KMT2A: variants seen among roughly 807,000 people sequenced by gnomAD.
KMT2A encodes histone-lysine N-methyltransferase 2A.
A neutral mutation model predicts 345.3 loss-of-function variants in KMT2A; 16 were observed. The ratio of observed to expected loss-of-function variants is 0.05; its 90% CI spans 0.03 to 0.07. The LOEUF (loss-of-function observed/expected upper bound fraction) is 0.07, where lower values mean the gene tolerates loss of function less well. KMT2A is among the 10% of genes least tolerant of loss of function. The pLI is 1.00. For synonymous variants in KMT2A, 1,599 were observed against 1,778.6 expected (o/e 0.90, Z 2.54); for missense variants, 3,272 against 4,841.6 (o/e 0.68, Z 9.62).
At chr11:118,456,596 C>G (rs1555030953) in intron 1 of KMT2A, among the ~76,000 whole-genome samples, 1 of 152,102 alleles carries the variant, frequency 6.6e-6, no homozygotes, top group African/African-American at 2.4e-5. Flanking sequence ...CCTTGGCCTC[C>G]CAAAGTGCTA....
rs1951048614 is a variant in KMT2A at position 118,524,900 on chromosome 11, C to A, written c.*2728C>A. On this transcript the variant is annotated 3_prime_UTR_variant, in exon 36 of 36. Transcript: ENST00000534358. ...TCCTCACTCTCTACCAACCCTAAAC[C>A]CTGAGGACAGGGGAGGAACCCACAG... The A allele has an allele frequency of 5.1e-6, 1 of 195,248 alleles. No individual in the cohort carries two copies. The allele number at this position is 195,248 out of a possible 1,614,324, so 12.1% of individuals were successfully genotyped here.
intron 8 of KMT2A, among the ~76,000 whole-genome samples, chr11:118,483,492 C>T (rs1006508728): frequency 1.3e-5 from 2 of 152,132 alleles, no homozygotes; most frequent in Non-Finnish European, 2.9e-5. Context: ...GAGATCGCGC[C>T]ACTGCACTCC....
Position 118,523,584 on chromosome 11 carries a change from A to G in KMT2A, c.*1412A>G. On this transcript the variant is annotated 3_prime_UTR_variant, in exon 36 of 36. Coordinates refer to ENST00000534358, the MANE Select transcript of KMT2A (RefSeq NM_001197104.2). ...TTTTATAAATGTAAATATATTTTGT[A>G]TATTTTTCTATGAGAAGCACTTCAT... 4.4e-6 allele frequency: 1 copy of G among 227,060 alleles called. No individual in the cohort carries two copies. Among genetic ancestry groups the G allele is most frequent in the East Asian group, 6.4e-5 (1 of 15,654 alleles). The allele number at this position is 227,060 out of a possible 1,614,324, so 14.1% of individuals were successfully genotyped here.
chr11:118,456,008 A>G (rs1168952934), intron 1 of KMT2A, among the ~76,000 whole-genome samples: 4 of 151,656 alleles, frequency 2.6e-5, no homozygotes, highest in Non-Finnish European at 5.9e-5. Flanking sequence ...TTTTTAATAC[A>G]TTTTTAATTT....
At chr11:118,475,261 GTT>G (rs1277408951) in intron 3 of KMT2A, among the ~76,000 whole-genome samples, 13 of 147,898 alleles carry the variant, frequency 8.8e-5, no homozygotes, top group Non-Finnish European at 4.5e-5. Flanking sequence ...CAGCATTTTT[GTT>G]TTTTTTTTAT....
At chr11:118,486,652 C>G (rs186196683) in intron 10 of KMT2A, among the ~76,000 whole-genome samples, 9 of 151,848 alleles carry the variant, frequency 5.9e-5, no homozygotes, top group Admixed American at 5.3e-4. Context: ...GCAGGAGGAC[C>G]GCTTGAGCTC....
rs73555280 is a variant in KMT2A, at chr11:118,493,632, T to C, written c.5178+402T>C. Among the ~76,000 whole-genome samples the C allele has an allele frequency of 2.0e-4, 30 of 152,320 alleles. No individual in the cohort carries two copies. The highest frequency in any genetic ancestry group is 6.7e-4 in the African/African-American group (28 of 41,570). On this transcript the variant is annotated intron_variant, in intron 16 of 35. Coordinates refer to ENST00000534358, the MANE Select transcript of KMT2A (RefSeq NM_001197104.2). The surrounding 1 kb of genome is among the most constrained non-coding windows in gnomAD (Gnocchi z 5.8). The stretch of plus-strand genomic sequence containing the variant: ...TTTGTAGATAGATGCCTGTTAATTT[T>C]ATGATTTTAAGTATGTATAGGAAAT...
intron 31 of KMT2A, among the ~76,000 whole-genome samples, chr11:118,518,703 A>G (rs1267122851): frequency 6.6e-6 from 1 of 151,030 alleles, no homozygotes; most frequent in Non-Finnish European, 1.5e-5. Flanking sequence ...GAATTGCTTG[A>G]ACCCAGGAGG....
intron 31 of KMT2A, among the ~76,000 whole-genome samples, chr11:118,517,658 A>C (rs1950851412): frequency 6.6e-6 from 1 of 152,050 alleles, no homozygotes; most frequent in Admixed American, 6.5e-5. Context: ...TGGGCAACAC[A>C]GTAAGACCCT....
Position 118,473,485 on chromosome 11 carries a change from G to C in KMT2A, c.2326G>C (p.Val776Leu), listed in dbSNP as rs782073017. The C allele has an allele frequency of 5.6e-6, 9 of 1,614,160 alleles. No homozygotes were observed. In the South Asian group the frequency reaches 7.7e-5, roughly 14 times the overall value. Residue 776 changes from valine to leucine, a missense_variant, in exon 3 of 36, where the codon GTC becomes CTC. Around this residue, in one of 27 missense-constraint regions of KMT2A, gnomAD observed 209 missense variants for 237.4 expected, o/e 0.88. Transcript: ENST00000534358. The surrounding 1 kb of genome is among the most constrained non-coding windows in gnomAD (Gnocchi z 5.2). ...ELSPLTPPSS[V>L]SSSLSISVSP... ...CTCACCTCTCACCCCCCCGTCTTCT[G>C]TCTCTTCCTCGTTAAGCATTTCTGT...
intron 1 of KMT2A, among the ~76,000 whole-genome samples, chr11:118,447,199 C>T (rs1555027410): frequency 6.6e-6 from 1 of 152,106 alleles, no homozygotes; most frequent in Non-Finnish European, 1.5e-5. Flanking sequence ...CCCCGTATAC[C>T]TTATGTCGTG....
In KMT2A at chr11:118,499,338, A is replaced by G; in HGVS notation, c.5997A>G (p.Arg1999=). ...AGAATGGATTTGAAGTTTTCAGAAG[A>G]GTGTTTGTGGACTTTGAAGGAATCA... ...VPENGFEVFR[R]VFVDFEGISL... Residue 1999 remains arginine, a synonymous_variant, in exon 23 of 36, where the codon AGA becomes AGG. Coordinates refer to ENST00000534358, the MANE Select transcript of KMT2A (RefSeq NM_001197104.2). The G allele has an allele frequency of 6.2e-7, 1 of 1,613,658 alleles. No homozygotes were observed. Among genetic ancestry groups the G allele is most frequent in the Non-Finnish European group, 8.5e-7 (1 of 1,179,792 alleles).
chr11:118,497,769 G>A lies in KMT2A; in HGVS notation c.5665-167G>A, dbSNP rs919269482. The stretch of plus-strand genomic sequence containing the variant: ...AAAGTAATCTTGAAAAGAAGGAAGT[G>A]GAAACAGAGCAACGTTGCAAAAAGA... On this transcript the variant is annotated intron_variant, in intron 20 of 35. Transcript: ENST00000534358. The surrounding 1 kb of genome is among the most constrained non-coding windows in gnomAD (Gnocchi z 4.8). Among the ~76,000 whole-genome samples the A allele has an allele frequency of 6.6e-6, 1 of 152,090 alleles. No individual in the cohort carries two copies. Among genetic ancestry groups the A allele is most frequent in the Non-Finnish European group, 1.5e-5 (1 of 68,022 alleles).
At chr11:118,512,186 A>G in intron 31 of KMT2A, 161 bp downstream of exon 31, 2 of 622,962 alleles carry the variant, frequency 3.2e-6, no homozygotes, top group Non-Finnish European at 5.6e-6. Context: ...CATCTAAAGC[A>G]TACAATTCAG....
chr11:118,517,196 C>A (rs1343668683), intron 31 of KMT2A, among the ~76,000 whole-genome samples: 5 of 151,640 alleles, frequency 3.3e-5, no homozygotes, highest in Admixed American at 1.3e-4. Context: ...GAGATCGACA[C>A]CATCCTGGCT....
chr11:118,489,634 C>T (rs546661939), intron 11 of KMT2A, among the ~76,000 whole-genome samples, 158 bp from the exon 12 acceptor site: 2 of 152,262 alleles, frequency 1.3e-5, no homozygotes, highest in South Asian at 2.1e-4. Flanking sequence ...AAATCTATCT[C>T]AATGCTTTAA....
At position 118,473,538 on chromosome 11, in the gene KMT2A, C is replaced by T. The variant is rs1188258921; in HGVS notation, c.2379C>T (p.Asn793=). 11 of 1,613,978 alleles carry T rather than the reference C, an allele frequency of 6.8e-6. No individual in the cohort carries two copies. Among genetic ancestry groups the T allele is most frequent in the Non-Finnish European group, 9.3e-6 (11 of 1,180,034 alleles). ...SVSPLATSAL[N]PTFTFPSHSL... ...GTCCTCTTGCCACTAGTGCCTTAAA[C>T]CCAACTTTTACTTTTCCTTCTCATT... The change falls in exon 3 of 36, where the codon AAC becomes AAT. Residue 793 remains asparagine, a synonymous_variant. Coordinates refer to ENST00000534358, the MANE Select transcript of KMT2A (RefSeq NM_001197104.2). This position sits in a 1 kb window ranked among gnomAD's most constrained non-coding sequence, Gnocchi z 5.2.
In KMT2A at chr11:118,503,816, T is replaced by G; in HGVS notation, c.7924T>G (p.Ser2642Ala). The change falls in exon 27 of 36, where the codon TCC becomes GCC. Residue 2642 changes from serine to alanine, a missense_variant. This residue lies in a region of KMT2A where 21 missense variants were observed against 74.6 expected (regional missense o/e 0.28). Transcript: ENST00000534358. This position sits in a 1 kb window ranked among gnomAD's most constrained non-coding sequence, Gnocchi z 5.3. ...FGLTPLYGVR[S>A]YGEEDIPFYS... Reference sequence around the variant, plus strand: ...GCTTACCCCACTCTATGGAGTAAGATCCTATGGTGAAGAAGACATTCCATT... The same window carrying G: ...GCTTACCCCACTCTATGGAGTAAGAGCCTATGGTGAAGAAGACATTCCATT... The G allele has an allele frequency of 6.2e-7, 1 of 1,614,168 alleles. No homozygotes were observed. Among genetic ancestry groups the G allele is most frequent in the Non-Finnish European group, 8.5e-7 (1 of 1,180,030 alleles).
At position 118,472,166 on chromosome 11, in the gene KMT2A, G is replaced by T; in HGVS notation, c.1007G>T (p.Gly336Val). The change falls in exon 3 of 36, where the codon GGA (glycine) becomes GTA (valine). Residue 336 changes from glycine to valine, a missense_variant. Around this residue, in one of 27 missense-constraint regions of KMT2A, gnomAD observed 412 missense variants for 511.0 expected, o/e 0.81. Transcript: ENST00000534358. ...KPQKVRKDKE[G>V]TPPLTKEDKT... ...CAGAAAGTCCGGAAAGACAAGGAAG[G>T]AACACCTCCACTTACAAAAGAAGAT... The T allele has an allele frequency of 3.1e-6, 5 of 1,613,946 alleles. No individual in the cohort carries two copies. The highest frequency in any genetic ancestry group is 4.2e-6 in the Non-Finnish European group (5 of 1,180,020).
Sources: allele counts gnomAD v4.1 joint callset (sites outside exome capture counted in the v4.1 genomes callset), GRCh38; gene constraint gnomAD v4.1.1; regional missense constraint gnomAD v4.1.1; non-coding constraint Gnocchi (gnomAD v3.1); transcripts MANE v1.5; gene names NCBI Gene and HGNC (gene_info 2026-07-23, HGNC 2026-07-21).